SPAG16: variants seen among roughly 807,000 people sequenced by gnomAD.
SPAG16 encodes sperm-associated antigen 16 protein.
SPAG16 carries 86 observed loss-of-function variants against 80.4 expected under a neutral mutation model. The ratio of observed to expected loss-of-function variants is 1.07; its 90% confidence interval spans 0.90 to 1.28. SPAG16 has a LOEUF of 1.28. SPAG16 is among the 50% of genes most tolerant of loss of function. The pLI is 0.00. For missense variants in SPAG16, 870 were observed against 765.3 expected (o/e 1.14, Z -1.61); for synonymous variants, 294 against 265.9 (o/e 1.11, Z -1.03).
At position 213,816,870 on chromosome 2, in the gene SPAG16, C is replaced by A. The variant is rs79574741; in HGVS notation, c.1071-45615C>A. Among the ~76,000 whole-genome samples, 968 of 151,980 alleles carry A rather than the reference C, an allele frequency of 6.4e-3. 12 individuals are homozygous for A. The highest frequency in any genetic ancestry group is 0.022 in the African/African-American group (907 of 41,492). On this transcript the variant is annotated intron_variant, in intron 10 of 15. Coordinates refer to ENST00000331683, the MANE Select transcript of SPAG16 (RefSeq NM_024532.5). ...AGTTGTCAGTATTCCACCTGTGAAG[C>A]CCAATATTACTGTAATAAATGCTCT...
intron 13 of SPAG16, among the ~76,000 whole-genome samples, chr2:214,033,744 A>G (rs1240120865): frequency 6.6e-6 from 1 of 152,100 alleles, no homozygotes; most frequent in South Asian, 2.1e-4. Context: ...TATTTCTCCA[A>G]AATATTGACT....
chr2:213,724,102 T>C (rs1399683964), intron 10 of SPAG16, among the ~76,000 whole-genome samples: 8 of 152,208 alleles, frequency 5.3e-5, no homozygotes, highest in Admixed American at 5.2e-4. Context: ...ATAGGTCTGC[T>C]TCTAGCATTA....
At chr2:213,409,968 G>C (rs928491724) in intron 9 of SPAG16, among the ~76,000 whole-genome samples, 4 of 151,740 alleles carry the variant, frequency 2.6e-5, no homozygotes, top group African/African-American at 9.7e-5. Context: ...TCCGGTAAAC[G>C]GGAACCAGCC....
intron 10 of SPAG16, among the ~76,000 whole-genome samples, chr2:213,836,947 C>A (rs1259713807): frequency 7.9e-6 from 1 of 126,654 alleles, no homozygotes; most frequent in Non-Finnish European, 1.8e-5. Context: ...CCAACAGTGC[C>A]TTCTCTCTCT....
intron 13 of SPAG16, among the ~76,000 whole-genome samples, chr2:214,100,587 A>G (rs2052941781): frequency 1.3e-5 from 2 of 151,922 alleles, no homozygotes. Context: ...CTTTGGGTCT[A>G]TGTGTACTCA....
chr2:214,369,434 G>A (rs1432082163), intron 15 of SPAG16, among the ~76,000 whole-genome samples: 1 of 152,042 alleles, frequency 6.6e-6, no homozygotes, highest in Admixed American at 6.6e-5. Flanking sequence ...AAAGCCACAT[G>A]ACATAAATAC....
chr2:213,605,236 ACTT>A (rs1458211589), intron 10 of SPAG16, among the ~76,000 whole-genome samples: 1 of 151,438 alleles, frequency 6.6e-6, no homozygotes, highest in Non-Finnish European at 1.5e-5. Flanking sequence ...AAAATCAGAC[ACTT>A]TATTTCATCT....
chr2:213,982,610 GGTGTGTGTGT>G (rs57529616), intron 12 of SPAG16, among the ~76,000 whole-genome samples: 69 of 141,856 alleles, frequency 4.9e-4, no homozygotes, highest in African/African-American at 1.4e-3. Flanking sequence ...TATAGTTTCT[GGTGTGTGTGT>G]GTGTGTGTGT....
chr2:213,864,128 A>G (rs2075593579), intron 11 of SPAG16, among the ~76,000 whole-genome samples: 2 of 152,274 alleles, frequency 1.3e-5, no homozygotes, highest in Middle Eastern at 6.8e-3. Context: ...TTGTGGTGAA[A>G]CACATTCTGA....
At chr2:213,870,832 A>T (rs1017317504) in intron 11 of SPAG16, among the ~76,000 whole-genome samples, 12 of 152,158 alleles carry the variant, frequency 7.9e-5, no homozygotes, top group African/African-American at 2.9e-4. Context: ...AATAATTTTT[A>T]AAAAACCCAT....
chr2:213,297,311 A>G lies in SPAG16; in HGVS notation c.233A>G (p.Lys78Arg). 6.2e-7 allele frequency: 1 copy of G among 1,613,056 alleles called. No individual in the cohort carries two copies. Among genetic ancestry groups the G allele is most frequent in the Non-Finnish European group, 8.5e-7 (1 of 1,179,342 alleles). The change falls in exon 3 of 16, where the codon AAA becomes AGA. Residue 78 changes from lysine (K) to arginine (R), a missense_variant. Transcript: ENST00000331683. ...CCAGAAGGTGAAGAAGATCTGGCAAAAGCAATTCAGATGGCCCAAGAACAG... is the reference window on the plus strand; with the variant it reads ...CCAGAAGGTGAAGAAGATCTGGCAAGAGCAATTCAGATGGCCCAAGAACAG... Reference protein sequence around the residue: ...SIPEGEEDLAKAIQMAQEQAT... With the variant: ...SIPEGEEDLARAIQMAQEQAT...
chr2:214,030,873 A>G (rs985611081), intron 13 of SPAG16, among the ~76,000 whole-genome samples: 4 of 152,170 alleles, frequency 2.6e-5, no homozygotes, highest in African/African-American at 7.2e-5. Flanking sequence ...ACTAGGCTCA[A>G]GTTTGAGGAA....
chr2:214,299,084 CTGTGAGAAA>C (rs1433679174), intron 15 of SPAG16, among the ~76,000 whole-genome samples: 1 of 151,948 alleles, frequency 6.6e-6, no homozygotes, highest in Non-Finnish European at 1.5e-5. Flanking sequence ...CTTGGAGTAT[CTGTGAGAAA>C]AGCTCAGAAA....
chr2:214,177,328 C>G (rs994447283), intron 15 of SPAG16, among the ~76,000 whole-genome samples: 1 of 151,070 alleles, frequency 6.6e-6, no homozygotes, highest in Non-Finnish European at 1.5e-5. Flanking sequence ...GGTTCAAAAT[C>G]TAACCCTTTA....
intron 15 of SPAG16, among the ~76,000 whole-genome samples, chr2:214,203,990 G>C (rs1454554192): frequency 6.6e-6 from 1 of 152,138 alleles, no homozygotes; most frequent in African/African-American, 2.4e-5. Context: ...CCGTTGTGGG[G>C]GCACAGTGGG....
At chr2:213,816,367 G>C (rs2072535825) in intron 10 of SPAG16, among the ~76,000 whole-genome samples, 1 of 151,988 alleles carries the variant, frequency 6.6e-6, no homozygotes, top group African/African-American at 2.4e-5. Flanking sequence ...ACAGCTTATA[G>C]CTATGAACAT....
At chr2:213,795,788 T>C (rs2070987920) in intron 10 of SPAG16, among the ~76,000 whole-genome samples, 1 of 152,210 alleles carries the variant, frequency 6.6e-6, no homozygotes, top group African/African-American at 2.4e-5. Flanking sequence ...TTGCTCCTAC[T>C]CTAGCCACAT....
intron 10 of SPAG16, among the ~76,000 whole-genome samples, chr2:213,724,792 A>G (rs1324320776): frequency 7.7e-6 from 1 of 130,254 alleles, no homozygotes; most frequent in Non-Finnish European, 1.6e-5. Flanking sequence ...AAAAAAAAAA[A>G]AAAAAAAAAG....
chr2:213,596,562 A>G (rs560369957), intron 10 of SPAG16, among the ~76,000 whole-genome samples: 1 of 152,310 alleles, frequency 6.6e-6, no homozygotes, highest in East Asian at 1.9e-4. Flanking sequence ...TTTCAAATAA[A>G]AACAGCTGGA....
Sources: allele counts gnomAD v4.1 joint callset (sites outside exome capture counted in the v4.1 genomes callset), GRCh38; gene constraint gnomAD v4.1.1; transcripts MANE v1.5; gene names NCBI Gene and HGNC (gene_info 2026-07-23, HGNC 2026-07-21).